Variants in RAPGEF4 observed in about 807,000 individuals in gnomAD.
RAPGEF4 encodes RAP guanine-nucleotide-exchange factor (GEF) 4.
In RAPGEF4, 66 loss-of-function variants were observed where a neutral mutation model predicts 147.9. That is an observed-to-expected ratio of 0.45 (90% confidence interval 0.37 to 0.55). The LOEUF (loss-of-function observed/expected upper bound fraction) is 0.55. Among genes scored for constraint, RAPGEF4 ranks in the 20% least tolerant of loss-of-function variants. RAPGEF4 has a pLI of 0.00. For synonymous variants in RAPGEF4, 419 were observed against 442.7 expected, an observed-to-expected ratio of 0.95 and a Z score of 0.67; for missense variants, 1,071 against 1,257.3, an observed-to-expected ratio of 0.85 and a Z score of 2.24.
intron 4 of RAPGEF4, chr2:172,860,203 T>C: frequency 1.0e-6 from 1 of 985,230 alleles, no homozygotes; most frequent in Non-Finnish European, 1.2e-6. Context: ...GTTGCCTGAG[T>C]AGTCCCATCA....
At chr2:172,967,206 C>T (rs16861098) in intron 9 of RAPGEF4, 55 bp from the exon 10 acceptor site, 326,401 of 1,532,626 alleles carry the variant, frequency 0.21, 36,212 homozygotes, top group Middle Eastern at 0.31. Context: ...TTCTAGTAAA[C>T]GGAGCTGTGA....
intron 6 of RAPGEF4, among the ~76,000 whole-genome samples, chr2:172,951,890 G>A (rs2105392536): frequency 6.6e-6 from 1 of 152,292 alleles, no homozygotes; most frequent in East Asian, 1.9e-4. Context: ...GGGCAGGGAT[G>A]GCAGGGGATG....
intron 4 of RAPGEF4, among the ~76,000 whole-genome samples, chr2:172,911,040 C>A (rs72908277): frequency 0.016 from 2,396 of 152,278 alleles, 26 homozygotes; most frequent in South Asian, 0.037. Flanking sequence ...CACTGTCTGG[C>A]CACGACAGTT....
chr2:172,844,210 G>C (rs1691922959), intron 4 of RAPGEF4, among the ~76,000 whole-genome samples: 1 of 152,118 alleles, frequency 6.6e-6, no homozygotes, highest in African/African-American at 2.4e-5. Flanking sequence ...AATCTCCCAA[G>C]GGCAGAATGG....
At chr2:172,757,688 A>C (rs538088356) in intron 1 of RAPGEF4, among the ~76,000 whole-genome samples, 1 of 152,146 alleles carries the variant, frequency 6.6e-6, no homozygotes, top group Non-Finnish European at 1.5e-5. Flanking sequence ...AGTTTTTGGT[A>C]TTTGGGGCCT....
rs957358818 is a variant in RAPGEF4, at chr2:172,735,933, G to A, written c.-51G>A. The A allele has an allele frequency of 2.1e-6, 3 of 1,405,434 alleles. No individual in the cohort carries two copies. The highest frequency in any genetic ancestry group is 6.6e-5 in the East Asian group (2 of 30,122). The allele number at this position is 1,405,434 out of a possible 1,614,324, so 87.1% of individuals were successfully genotyped here. On this transcript the variant is annotated 5_prime_UTR_variant, in exon 1 of 31. Coordinates refer to ENST00000397081, the MANE Select transcript of RAPGEF4 (RefSeq NM_007023.4). ...AGGCGGGGGCGGAGGCGCAGGCAGA[G>A]CGAGCGCGGGAGGTCGCCGCAGCCA...
intron 15 of RAPGEF4, among the ~76,000 whole-genome samples, chr2:172,994,652 C>A (rs1471834241): frequency 1.3e-5 from 2 of 152,230 alleles, no homozygotes; most frequent in African/African-American, 4.8e-5. Flanking sequence ...CTTCTTCCAG[C>A]TCATCTGGTG....
At chr2:172,848,418 A>T (rs1310843924) in intron 4 of RAPGEF4, among the ~76,000 whole-genome samples, 1 of 152,136 alleles carries the variant, frequency 6.6e-6, no homozygotes, top group Non-Finnish European at 1.5e-5. Context: ...TTAAAATGAT[A>T]ATTTGTTTGG....
chr2:173,026,704 T>G lies in RAPGEF4; in HGVS notation c.2379+7T>G. ...CTTCAACTGCGTGCATGAGGTAAGA[T>G]GCAGGATCAGATGTGTTAGTAGCTG... is the stretch of plus-strand genomic sequence containing the variant. On this transcript the variant is annotated splice_region_variant and intron_variant, in intron 24 of 30. Coordinates refer to ENST00000397081, the MANE Select transcript of RAPGEF4 (RefSeq NM_007023.4). 1 of 1,613,412 alleles carries G rather than the reference T, an allele frequency of 6.2e-7. No homozygotes were observed. Among genetic ancestry groups the G allele is most frequent in the South Asian group, 1.1e-5 (1 of 90,764 alleles).
intron 4 of RAPGEF4, among the ~76,000 whole-genome samples, chr2:172,865,897 G>C (rs865814744): frequency 6.6e-6 from 1 of 152,000 alleles, no homozygotes; most frequent in Middle Eastern, 3.4e-3. Context: ...CATATATATA[G>C]TCCATTTGTA....
intron 4 of RAPGEF4, among the ~76,000 whole-genome samples, chr2:172,841,139 G>A (rs1388667254): frequency 6.6e-6 from 1 of 152,190 alleles, no homozygotes; most frequent in Non-Finnish European, 1.5e-5. Flanking sequence ...TCTCACTGTT[G>A]GAGGTGGGGC....
chr2:173,023,284 A>G (rs1167153864), intron 23 of RAPGEF4, among the ~76,000 whole-genome samples: 1 of 152,226 alleles, frequency 6.6e-6, no homozygotes, highest in Non-Finnish European at 1.5e-5. Flanking sequence ...CTCCAGCCTT[A>G]GCAAAGAAAT....
intron 1 of RAPGEF4, among the ~76,000 whole-genome samples, chr2:172,758,725 G>A (rs554579014): frequency 4.8e-4 from 71 of 148,064 alleles, no homozygotes; most frequent in African/African-American, 1.5e-3. Context: ...CTGTTATGAC[G>A]CGGAAGGCTG....
At chr2:172,928,981 T>C (rs1312209229) in intron 6 of RAPGEF4, among the ~76,000 whole-genome samples, 1 of 152,196 alleles carries the variant, frequency 6.6e-6, no homozygotes, top group Non-Finnish European at 1.5e-5. Context: ...AGCTGCTGCT[T>C]CCAAGCTGTG....
At chr2:172,955,896 G>A (rs1688680593) in intron 6 of RAPGEF4, among the ~76,000 whole-genome samples, 2 of 152,208 alleles carry the variant, frequency 1.3e-5, no homozygotes, top group African/African-American at 4.8e-5. Context: ...GGGTCCTGGG[G>A]CTGCTGCTCT....
intron 6 of RAPGEF4, among the ~76,000 whole-genome samples, chr2:172,940,958 A>C (rs1687084857): frequency 6.6e-6 from 1 of 152,188 alleles, no homozygotes; most frequent in Admixed American, 6.5e-5. Context: ...GATTAATACA[A>C]AGTACTTTAT....
intron 23 of RAPGEF4, 106 bp from the exon 24 acceptor site, chr2:173,026,466 G>T: frequency 8.2e-7 from 1 of 1,217,490 alleles, no homozygotes; most frequent in Non-Finnish European, 1.1e-6. Flanking sequence ...ATTCCTGAAA[G>T]CGTCCATCTC....
chr2:172,980,954 G>A (rs1691617615), intron 10 of RAPGEF4, among the ~76,000 whole-genome samples: 2 of 152,062 alleles, frequency 1.3e-5, no homozygotes, highest in Non-Finnish European at 2.9e-5. Flanking sequence ...AGGCAGGATA[G>A]CATTTTTAAA....
intron 1 of RAPGEF4, among the ~76,000 whole-genome samples, chr2:172,751,249 C>T (rs938741566): frequency 3.3e-5 from 5 of 152,174 alleles, no homozygotes; most frequent in Non-Finnish European, 7.3e-5. Context: ...TACCATGTGC[C>T]AGTCACTCTT....
Sources: gnomAD v4.1 joint callset for allele counts (sites outside exome capture counted in the v4.1 genomes callset) on GRCh38, gnomAD v4.1.1 for gene constraint, MANE v1.5 for transcripts, NCBI Gene and HGNC (gene_info 2026-07-23, HGNC 2026-07-21) for gene names.